The following RYR1 variants were observed in gnomAD, a reference collection of about 807,000 sequenced individuals.
RYR1 encodes the protein central core disease of muscle.
Under a neutral mutation model 583.5 loss-of-function variants are expected in RYR1, and 342 were observed. The ratio of observed to expected loss-of-function variants is 0.59; its 90% CI spans 0.54 to 0.64. The LOEUF (loss-of-function observed/expected upper bound fraction) is 0.64. Among genes scored for constraint, RYR1 ranks in the 30% least tolerant of loss-of-function variants. The probability of loss-of-function intolerance (pLI) is 0.00; values close to 1 mark genes in which losing one functional copy is unlikely to be tolerated. For synonymous variants in RYR1, 2,791 were observed against 2,822.5 expected (o/e 0.99, Z 0.35); for missense variants, 6,032 against 6,917.2 (o/e 0.87, Z 4.54).
In RYR1 at chr19:38,444,481, C is replaced by T; in HGVS notation, c.538-103C>T. 3 of 1,003,044 alleles carry T rather than the reference C, an allele frequency of 3.0e-6. No individual in the cohort carries two copies. The highest frequency in any genetic ancestry group is 4.6e-6 in the Non-Finnish European group (3 of 646,624). 62.1% of individuals were successfully genotyped at this position (1,003,044 alleles called of 1,614,324 possible). On this transcript the variant is annotated intron_variant, in intron 6 of 105. Transcript: ENST00000359596. This position sits in a 1 kb window ranked among gnomAD's most constrained non-coding sequence, Gnocchi z 5.1. ...GATCTCTGATGACTCTGTCTCCCAT[C>T]TGCCGGTTTCCGGGTATCCACCCTT... is the stretch of plus-strand genomic sequence containing the variant.
chr19:38,566,547 G>C (rs1427633778), intron 91 of RYR1, among the ~76,000 whole-genome samples: 1 of 150,748 alleles, frequency 6.6e-6, no homozygotes, highest in Non-Finnish European at 1.5e-5. Flanking sequence ...GACCCTCGGA[G>C]ATACTCGTTG....
chr19:38,449,337 G>A (rs984079815), intron 11 of RYR1, among the ~76,000 whole-genome samples: 2 of 152,270 alleles, frequency 1.3e-5, no homozygotes, highest in Non-Finnish European at 2.9e-5. Flanking sequence ...GCAGCTGCCT[G>A]TAATCCCAGC....
At position 38,464,706 on chromosome 19, in the gene RYR1, A is replaced by G. The variant is rs372468731; in HGVS notation, c.2854A>G (p.Thr952Ala). ...DEKAEDNLKK[T>A]KLPKTYMMSN... Reference sequence around the variant, plus strand: ...GAAGGCGGAGGACAACCTGAAGAAGACAAAACTCCCCAAGACGTGAGTGTG... The same window carrying G: ...GAAGGCGGAGGACAACCTGAAGAAGGCAAAACTCCCCAAGACGTGAGTGTG... The change falls in exon 23 of 106, where the codon ACA (threonine) becomes GCA (alanine). Residue 952 changes from threonine to alanine, a missense_variant. By Grantham distance (58) the Thr-to-Ala change is moderately conservative (BLOSUM62 0). Transcript: ENST00000359596. 1 of 1,588,338 alleles carries G rather than the reference A, an allele frequency of 6.3e-7. No individual in the cohort carries two copies. Among genetic ancestry groups the G allele is most frequent in the Non-Finnish European group, 8.6e-7 (1 of 1,167,384 alleles).
Position 38,523,324 on chromosome 19 carries a change from C to T in RYR1, c.10440+15C>T, listed in dbSNP as rs760800882. On this transcript the variant is annotated intron_variant, in intron 69 of 105. Coordinates refer to ENST00000359596, the MANE Select transcript of RYR1 (RefSeq NM_000540.3). The stretch of plus-strand genomic sequence containing the variant: ...AAATGGCTAAGGTCGGGGCTTGGTT[C>T]TGGGAGGAGCACTTGGCAGAGAGGG... 6.2e-7 allele frequency: 1 copy of T among 1,614,006 alleles called. No individual in the cohort carries two copies. The highest frequency in any genetic ancestry group is 2.2e-5 in the East Asian group (1 of 44,898).
chr19:38,534,802 T>G lies in RYR1; in HGVS notation c.11342T>G (p.Met3781Arg). 1 of 1,613,128 alleles carries G rather than the reference T, an allele frequency of 6.2e-7. No individual in the cohort carries two copies. The highest frequency in any genetic ancestry group is 8.5e-7 in the Non-Finnish European group (1 of 1,179,772). ...TRGAAEMVLQ[M>R]ISACKGETGA... ...GGGGCGGCCGAGATGGTGCTGCAGA[T>G]GATCAGTGCCTGCAAAGGTGCCCCT... Residue 3781 changes from methionine to arginine, a missense_variant, in exon 79 of 106, where the codon ATG becomes AGG. Physicochemically the swap from Met to Arg is moderately conservative, Grantham distance 91. Around this residue, in one of 11 missense-constraint regions of RYR1, gnomAD observed 1,493 missense variants for 1,715.5 expected, o/e 0.87. Coordinates refer to ENST00000359596, the MANE Select transcript of RYR1 (RefSeq NM_000540.3).
At chr19:38,445,716 C>T (rs188330432) in intron 7 of RYR1, among the ~76,000 whole-genome samples, 12 of 152,218 alleles carry the variant, frequency 7.9e-5, no homozygotes, top group Admixed American at 2.0e-4. Context: ...AGGCCAAGCG[C>T]GGTGGCTCAC....
chr19:38,440,648 T>C (rs533571501), intron 1 of RYR1, 97 bp from the exon 2 acceptor site: 1 of 1,462,150 alleles, frequency 6.8e-7, no homozygotes, highest in Non-Finnish European at 9.3e-7. Flanking sequence ...CACTGTCTTT[T>C]TCATAAGGAC....
At chr19:38,536,554 C>T (rs974603118) in intron 82 of RYR1, among the ~76,000 whole-genome samples, 196 bp from the exon 83 acceptor site, 3 of 151,344 alleles carry the variant, frequency 2.0e-5, no homozygotes, top group Non-Finnish European at 4.4e-5. Context: ...CCCTCATTTC[C>T]TACCCTCTTC....
At chr19:38,518,205 A>C (rs192260235) in intron 66 of RYR1, among the ~76,000 whole-genome samples, 4 of 151,604 alleles carry the variant, frequency 2.6e-5, no homozygotes, top group South Asian at 2.1e-4. Context: ...AGAAGGAAGG[A>C]AGGCAGGAAG....
intron 42 of RYR1, among the ~76,000 whole-genome samples, chr19:38,497,175 T>G (rs184239110): frequency 6.7e-6 from 1 of 149,186 alleles, no homozygotes; most frequent in African/African-American, 2.5e-5. Flanking sequence ...ACGCTTCCCG[T>G]CTGGGGGCAG....
At chr19:38,517,854 C>G (rs1047596627) in intron 66 of RYR1, among the ~76,000 whole-genome samples, 163 bp downstream of exon 66, 6 of 152,164 alleles carry the variant, frequency 3.9e-5, no homozygotes, top group African/African-American at 1.4e-4. Flanking sequence ...CACCGTGGCT[C>G]ACAGCTGTAA....
At chr19:38,442,069 G>A (rs537073064) in intron 2 of RYR1, among the ~76,000 whole-genome samples, 7 of 151,968 alleles carry the variant, frequency 4.6e-5, no homozygotes, top group Admixed American at 3.9e-4. Context: ...GGTGGAACAC[G>A]GGTTAGTGGG....
chr19:38,503,945 C>T (rs1157078855), intron 49 of RYR1, among the ~76,000 whole-genome samples: 1 of 152,062 alleles, frequency 6.6e-6, no homozygotes, highest in African/African-American at 2.4e-5. Flanking sequence ...AATATTAGCA[C>T]GCTTATTTGT....
At chr19:38,504,963 A>G in intron 51 of RYR1, 40 bp from the exon 52 acceptor site, 1 of 1,613,824 alleles carries the variant, frequency 6.2e-7, no homozygotes, top group Non-Finnish European at 8.5e-7. Context: ...GGTGGAGGGA[A>G]CCCCAGCTCC....
chr19:38,439,844 CG>C (rs1972592056), intron 1 of RYR1, among the ~76,000 whole-genome samples: 1 of 152,076 alleles, frequency 6.6e-6, no homozygotes, highest in Non-Finnish European at 1.5e-5. Flanking sequence ...GGATCCAGCC[CG>C]GGCTGTCACA....
At chr19:38,562,439 ACTTG>A (rs747954287) in intron 90 of RYR1, among the ~76,000 whole-genome samples, 4 of 151,170 alleles carry the variant, frequency 2.6e-5, no homozygotes, top group Non-Finnish European at 5.9e-5. Flanking sequence ...TTGCACACAC[ACTTG>A]CTTGTTGTTC....
intron 84 of RYR1, among the ~76,000 whole-genome samples, chr19:38,542,096 G>T (rs1293765090): frequency 1.3e-5 from 2 of 149,090 alleles, no homozygotes; most frequent in Non-Finnish European, 3.0e-5. Context: ...CCCCAAGGCC[G>T]GGGACTGTTT....
Position 38,444,037 on chromosome 19 carries a change from A to T in RYR1, c.425-112A>T. On this transcript the variant is annotated intron_variant, in intron 5 of 105. Coordinates refer to ENST00000359596, the MANE Select transcript of RYR1 (RefSeq NM_000540.3). The surrounding 1 kb of genome is among the most constrained non-coding windows in gnomAD (Gnocchi z 5.1). Reference sequence around the variant, plus strand: ...TAGGCAGAGAGTTGGTGGCAGTGATAGGAGAGTTGTGGGCCAAGGGCCCGG... The same window carrying T: ...TAGGCAGAGAGTTGGTGGCAGTGATTGGAGAGTTGTGGGCCAAGGGCCCGG... 4 of 935,126 alleles carry T rather than the reference A, an allele frequency of 4.3e-6. No homozygotes were observed. The highest frequency in any genetic ancestry group is 7.0e-6 in the Non-Finnish European group (4 of 574,066). The allele number at this position is 935,126 out of a possible 1,614,324, so 57.9% of individuals were successfully genotyped here. A position where few individuals can be genotyped will look rare whatever the true frequency, so the allele number is the denominator to read the frequency against.
At chr19:38,492,165 C>A (rs1401553267) in intron 37 of RYR1, among the ~76,000 whole-genome samples, 6 of 151,922 alleles carry the variant, frequency 3.9e-5, no homozygotes, top group African/African-American at 1.5e-4. Flanking sequence ...AGTTCAAAAC[C>A]AGCCTGGGCA....
Sources: gnomAD v4.1 joint callset for allele counts (sites outside exome capture counted in the v4.1 genomes callset) on GRCh38, gnomAD v4.1.1 for gene constraint, gnomAD v4.1.1 regional missense constraint, Gnocchi (gnomAD v3.1) non-coding constraint, MANE v1.5 for transcripts, NCBI Gene and HGNC (gene_info 2026-07-23, HGNC 2026-07-21) for gene names.